Variants in SLC9A7 observed in about 807,000 individuals in gnomAD.
SLC9A7 encodes solute carrier family 9 member A7.
SLC9A7 carries 19 observed loss-of-function variants against 52.6 expected under a neutral mutation model. The ratio of observed to expected loss-of-function variants is 0.36; its 90% CI spans 0.25 to 0.53. The LOEUF is 0.53. Among genes scored for constraint, SLC9A7 ranks in the 20% least tolerant of loss-of-function variants. The pLI, the probability that SLC9A7 is intolerant of heterozygous loss-of-function variation, is 0.91. For synonymous variants in SLC9A7, 226 were observed against 252.1 expected, an observed-to-expected ratio of 0.90 and a Z score of 0.98; for missense variants, 455 against 597.9, an observed-to-expected ratio of 0.76 and a Z score of 2.49.
intron 1 of SLC9A7, among the ~76,000 whole-genome samples, chrX:46,740,788 G>A (rs1362831149): frequency 9.1e-6 from 1 of 109,683 alleles, no homozygotes; most frequent in Non-Finnish European, 1.9e-5. Context: ...TGTACTAGAG[G>A]TTCTAACCAA....
At chrX:46,608,785 A>C (rs1033225943) in intron 16 of SLC9A7, among the ~76,000 whole-genome samples, 1 of 111,454 alleles carries the variant, frequency 9.0e-6, no homozygotes, top group Non-Finnish European at 1.9e-5. Context: ...AGCTGTGATT[A>C]CAGGTGCCCA....
At chrX:46,634,505 A>G (rs781503228) in intron 13 of SLC9A7, among the ~76,000 whole-genome samples, 2 of 111,594 alleles carry the variant, frequency 1.8e-5, no homozygotes, top group South Asian at 7.6e-4. Context: ...GAGGAATATG[A>G]GACACACATC....
intron 7 of SLC9A7, among the ~76,000 whole-genome samples, chrX:46,660,246 A>C (rs1358450712): frequency 1.8e-5 from 2 of 111,267 alleles, no homozygotes; most frequent in East Asian, 2.8e-4. Context: ...CTTAAATGTT[A>C]GACCTAAAAC....
At chrX:46,620,108 G>T (rs1310311508) in intron 15 of SLC9A7, among the ~76,000 whole-genome samples, 1 of 111,697 alleles carries the variant, frequency 9.0e-6, no homozygotes, top group Non-Finnish European at 1.9e-5. Context: ...CTGCCCATTT[G>T]ATGACTATGT....
intron 5 of SLC9A7, among the ~76,000 whole-genome samples, chrX:46,668,445 T>C (rs769856444): frequency 1.8e-5 from 2 of 111,176 alleles, no homozygotes; most frequent in African/African-American, 6.5e-5. Flanking sequence ...AGGCAGAGGT[T>C]ACGGTGAGCC....
chrX:46,649,070 A>ATATCTATC (rs60152703), intron 10 of SLC9A7, among the ~76,000 whole-genome samples: 6,681 of 105,330 alleles, frequency 0.063, 402 homozygotes, highest in East Asian at 0.22. Context: ...AATTCAACTG[A>ATATCTATC]TATCTATCTA....
intron 1 of SLC9A7, among the ~76,000 whole-genome samples, chrX:46,738,229 G>A (rs775201812): frequency 2.7e-5 from 3 of 111,874 alleles, no homozygotes; most frequent in Non-Finnish European, 3.8e-5. Context: ...ACTTGTTTTC[G>A]TTAACTTATA....
chrX:46,608,285 AGACTCATG>A (rs1942786847), intron 16 of SLC9A7, among the ~76,000 whole-genome samples: 1 of 112,787 alleles, frequency 8.9e-6, no homozygotes, highest in African/African-American at 3.2e-5. Context: ...CAGCTAGGGA[AGACTCATG>A]GGTTGCGTTT....
intron 10 of SLC9A7, 136 bp downstream of exon 10, chrX:46,650,974 A>G: frequency 4.6e-6 from 1 of 216,546 alleles, no homozygotes; most frequent in Admixed American, 7.5e-5. Context: ...AAACAGAAAT[A>G]GTAATTATTA....
chrX:46,691,261 T>G (rs777674639), intron 1 of SLC9A7, among the ~76,000 whole-genome samples: 3 of 112,464 alleles, frequency 2.7e-5, no homozygotes, highest in Non-Finnish European at 5.6e-5. Flanking sequence ...TCCTACATGC[T>G]TGTTATCTTG....
intron 1 of SLC9A7, among the ~76,000 whole-genome samples, chrX:46,743,757 C>A (rs1035085071): frequency 1.8e-5 from 2 of 111,419 alleles, no homozygotes; most frequent in African/African-American, 6.5e-5. Context: ...ATATAAGCAA[C>A]ACTTTAAATC....
chrX:46,748,364 A>AAAGGAAGGAAGG (rs57555325), intron 1 of SLC9A7, among the ~76,000 whole-genome samples: 3,844 of 51,124 alleles, frequency 0.075, 220 homozygotes, highest in East Asian at 0.17. Context: ...AAAAAGAAAG[A>AAAGGAAGGAAGG]AAGGAAGGAA....
At chrX:46,655,053 C>T (rs1323255258) in intron 7 of SLC9A7, among the ~76,000 whole-genome samples, 2 of 101,003 alleles carry the variant, frequency 2.0e-5, no homozygotes, top group Non-Finnish European at 4.0e-5. Flanking sequence ...GGCACGGCCT[C>T]GGCTCACTGC....
chrX:46,649,070 A>ATATCTATCTATCTATCTATCTATCTATC lies in SLC9A7; in HGVS notation c.1351-301_1351-274dup, dbSNP rs60152703. 4.1e-3 allele frequency among the ~76,000 whole-genome samples: 433 copies of ATATCTATCTATCTATCTATCTATCTATC among 105,393 alleles called. 2 individuals carry two copies. Among genetic ancestry groups the ATATCTATCTATCTATCTATCTATCTATC allele is most frequent in the Non-Finnish European group, 5.8e-3 (301 of 51,695 alleles). The allele number at this position is 105,393 out of a possible 115,157, so 91.5% of individuals were successfully genotyped here. ...GTAACTTCTTGATTTAATTCAACTG[A>ATATCTATCTATCTATCTATCTATCTATC]TATCTATCTATCTATCTATCTATCT... On this transcript the variant is annotated intron_variant, in intron 10 of 16. Coordinates refer to ENST00000616978, the MANE Select transcript of SLC9A7 (RefSeq NM_001257291.2).
In SLC9A7 at chrX:46,605,393, A is replaced by G. The variant is rs1350957535; in HGVS notation, c.*1559T>C. The G allele has an allele frequency of 9.0e-6, 1 of 110,951 alleles. No homozygotes were observed. Among genetic ancestry groups the G allele is most frequent in the Non-Finnish European group, 1.9e-5 (1 of 52,994 alleles). 9.1% of individuals were successfully genotyped at this position (110,951 alleles called of 1,213,427 possible). ...GAACAGCTCATCCAGAAAGAATCCA[A>G]ACTGAAAACCTAACTTTCAAATCAC... On this transcript the variant is annotated 3_prime_UTR_variant, in exon 17 of 17. Transcript: ENST00000616978.
chrX:46,756,505 A>G (rs1922676861), intron 1 of SLC9A7, among the ~76,000 whole-genome samples: 1 of 111,865 alleles, frequency 8.9e-6, no homozygotes, highest in Non-Finnish European at 1.9e-5. Flanking sequence ...TCCCCATCCC[A>G]ATAGTCTTCA....
chrX:46,708,033 G>A (rs961966088), intron 1 of SLC9A7, among the ~76,000 whole-genome samples: 11 of 111,789 alleles, frequency 9.8e-5, no homozygotes, highest in African/African-American at 3.6e-4. Flanking sequence ...GAGCCACTGC[G>A]CCCGGCCGAC....
chrX:46,651,163 GTGCCAGGCCCA>G lies in SLC9A7; in HGVS notation c.1286_1296del (p.Met429ThrfsTer43). 8.3e-7 allele frequency: 1 copy of G among 1,210,380 alleles called. No homozygotes were observed. On this transcript the variant is annotated frameshift_variant, in exon 10 of 17. Coordinates refer to ENST00000616978, the MANE Select transcript of SLC9A7 (RefSeq NM_001257291.2). LOFTEE classifies it high-confidence loss of function. ...AAAACGTGCTTCTGGAAGGTAAACA[GTGCCAGGCCCA>G]TGTAGGAGAAGATGAAGTTCTCTGC...
intron 1 of SLC9A7, among the ~76,000 whole-genome samples, chrX:46,730,624 C>T (rs1474638918): frequency 4.4e-5 from 4 of 89,943 alleles, no homozygotes; most frequent in Non-Finnish European, 8.7e-5. Flanking sequence ...CACACCACTG[C>T]ACTCCAGCCT....
Sources: gnomAD v4.1 joint callset for allele counts (sites outside exome capture counted in the v4.1 genomes callset) on GRCh38, gnomAD v4.1.1 for gene constraint, MANE v1.5 for transcripts, NCBI Gene and HGNC (gene_info 2026-07-23, HGNC 2026-07-21) for gene names.